Variants in FAM20C observed in about 807,000 individuals in gnomAD.
FAM20C encodes FAM20C golgi associated secretory pathway kinase.
Under a neutral mutation model 51.5 loss-of-function variants are expected in FAM20C, and 40 were observed. The observed-to-expected ratio is 0.78, with a 90% CI of 0.60 to 1.01. The LOEUF (loss-of-function observed/expected upper bound fraction) is 1.01. Among genes scored for constraint, FAM20C ranks in the 50% least tolerant of loss-of-function variants. The pLI, the probability that FAM20C is intolerant of heterozygous loss-of-function variation, is 0.00. For missense variants in FAM20C, 861 were observed against 844.7 expected, an observed-to-expected ratio of 1.02 and a Z score of -0.24; for synonymous variants, 406 against 380.6, an observed-to-expected ratio of 1.07 and a Z score of -0.78.
At chr7:223,654 G>A (rs1427127285) in intron 3 of FAM20C, among the ~76,000 whole-genome samples, 1 of 152,204 alleles carries the variant, frequency 6.6e-6, no homozygotes, top group Non-Finnish European at 1.5e-5. Flanking sequence ...CCTGGTGCCT[G>A]CAGAGGGGTC....
intron 3 of FAM20C, among the ~76,000 whole-genome samples, chr7:241,616 G>A (rs1256049747): frequency 6.6e-6 from 1 of 151,866 alleles, no homozygotes; most frequent in African/African-American, 2.4e-5. Flanking sequence ...CCATGCACAC[G>A]TGTGCATCTG....
intron 3 of FAM20C, among the ~76,000 whole-genome samples, chr7:241,054 G>C (rs1428992950): frequency 1.4e-5 from 2 of 147,874 alleles, no homozygotes; most frequent in African/African-American, 5.1e-5. Flanking sequence ...AAGTGGGGCC[G>C]GGGCTTACGG....
chr7:229,239 GC>G (rs1205841973), intron 3 of FAM20C: 1 of 240,794 alleles, frequency 4.2e-6, no homozygotes, highest in Non-Finnish European at 8.3e-6. Context: ...CAATGAGGCA[GC>G]CCCCTTTTCT....
At chr7:212,048 G>C (rs182861466) in intron 3 of FAM20C, among the ~76,000 whole-genome samples, 65 of 152,340 alleles carry the variant, frequency 4.3e-4, no homozygotes, top group African/African-American at 1.1e-3. Context: ...GATGACCTAT[G>C]GGGGCTGTGC....
chr7:249,407 A>C (rs978093319), intron 5 of FAM20C, among the ~76,000 whole-genome samples: 1 of 152,244 alleles, frequency 6.6e-6, no homozygotes, highest in African/African-American at 2.4e-5. Flanking sequence ...ACACATAAAC[A>C]CATGATTTTC....
At chr7:259,328 G>A (rs977996982) in intron 9 of FAM20C, among the ~76,000 whole-genome samples, 1 of 152,212 alleles carries the variant, frequency 6.6e-6, no homozygotes, top group African/African-American at 2.4e-5. Flanking sequence ...CTCATCCCTT[G>A]TGCAGGTGAG....
At chr7:245,613 C>T (rs140565333) in intron 3 of FAM20C, among the ~76,000 whole-genome samples, 6,388 of 152,314 alleles carry the variant, frequency 0.042, 177 homozygotes, top group African/African-American at 0.072. Context: ...TACACGCTTA[C>T]GCGCTTACAC....
rs1430301262 is a variant in FAM20C, at chr7:195,587, C to G, written c.639C>G (p.Leu213=). The G allele has an allele frequency of 1.3e-6, 2 of 1,596,214 alleles. No homozygotes were observed. The highest frequency in any genetic ancestry group is 1.7e-6 in the Non-Finnish European group (2 of 1,170,474). ...CGGGTGCTGAAGGTGCAGAATTCCTCTCCCCCGGGGAGGCGGCCGTGGACT... is the reference window on the plus strand; with the variant it reads ...CGGGTGCTGAAGGTGCAGAATTCCTGTCCCCCGGGGAGGCGGCCGTGGACT... ...PHAGAEGAEF[L]SPGEAAVDSY... is the part of the protein sequence containing the mutation. The change falls in exon 2 of 10, where the codon CTC becomes CTG. Residue 213 remains leucine, a synonymous_variant. Coordinates refer to ENST00000313766, the MANE Select transcript of FAM20C (RefSeq NM_020223.4).
At chr7:248,236 G>C (rs930871751) in intron 4 of FAM20C, 79 bp from the exon 5 acceptor site, 1 of 1,027,436 alleles carries the variant, frequency 9.7e-7, no homozygotes, top group Non-Finnish European at 1.4e-6. Context: ...CCCCTGCCCC[G>C]TTCTTATTTG....
At chr7:245,674 C>G (rs1315180871) in intron 3 of FAM20C, among the ~76,000 whole-genome samples, 1 of 152,236 alleles carries the variant, frequency 6.6e-6, no homozygotes, top group Non-Finnish European at 1.5e-5. Flanking sequence ...CCACCATGAC[C>G]ACATCGGTCA....
intron 3 of FAM20C, among the ~76,000 whole-genome samples, chr7:241,705 C>T (rs1007234890): frequency 0.016 from 2,377 of 152,168 alleles, 64 homozygotes; most frequent in African/African-American, 0.054. Flanking sequence ...TGTGTGCACA[C>T]GTGTTAATGT....
At chr7:214,033 T>A (rs181369381) in intron 3 of FAM20C, among the ~76,000 whole-genome samples, 1 of 152,318 alleles carries the variant, frequency 6.6e-6, no homozygotes, top group East Asian at 1.9e-4. Context: ...TACTAAGTTT[T>A]AAGACGTCTT....
chr7:202,024 G>A (rs527918724), intron 2 of FAM20C, among the ~76,000 whole-genome samples: 2 of 152,358 alleles, frequency 1.3e-5, no homozygotes, highest in East Asian at 1.9e-4. Context: ...ATATCCGGGC[G>A]ATAGGATTCT....
rs373402934 is a variant in FAM20C at position 244,383 on chromosome 7, A to G, written c.864-2032A>G. On this transcript the variant is annotated intron_variant, in intron 3 of 9. Coordinates refer to ENST00000313766, the MANE Select transcript of FAM20C (RefSeq NM_020223.4). The stretch of plus-strand genomic sequence containing the variant: ...ACCTCAAAAATATCCAACACTCCAG[A>G]ATTTACCACCCCTGGAACTGCGGGC... Among the ~76,000 whole-genome samples the G allele has an allele frequency of 5.3e-5, 8 of 152,302 alleles. No individual in the cohort carries two copies. The East Asian group carries it at 9.6e-4, about 18-fold the overall frequency.
At chr7:216,713 G>T (rs561139832) in intron 3 of FAM20C, among the ~76,000 whole-genome samples, 8 of 151,452 alleles carry the variant, frequency 5.3e-5, no homozygotes, top group Middle Eastern at 6.8e-3. Context: ...CAGAGTGTGT[G>T]TGTGTGTGTG....
At chr7:246,567 G>A (rs985459385) in intron 4 of FAM20C, 60 bp downstream of exon 4, 7 of 1,117,508 alleles carry the variant, frequency 6.3e-6, no homozygotes, top group Non-Finnish European at 7.1e-6. Context: ...ACCGGTGAGT[G>A]AGGCCGTCCT....
chr7:217,894 G>A (rs992430679), intron 3 of FAM20C, among the ~76,000 whole-genome samples: 4 of 152,116 alleles, frequency 2.6e-5, no homozygotes, highest in African/African-American at 9.7e-5. Flanking sequence ...GGTGCACGTT[G>A]GCTGGGAGAG....
intron 3 of FAM20C, among the ~76,000 whole-genome samples, chr7:243,857 T>C (rs1030700711): frequency 6.6e-6 from 1 of 151,784 alleles, no homozygotes; most frequent in Non-Finnish European, 1.5e-5. Context: ...AGGCCTTTGC[T>C]CCAGGGGCCT....
At chr7:241,556 TTGTGTGTGTG>T (rs1221493976) in intron 3 of FAM20C, among the ~76,000 whole-genome samples, 2 of 149,050 alleles carry the variant, frequency 1.3e-5, no homozygotes, top group South Asian at 2.1e-4. Context: ...TCTGTGGGGG[TTGTGTGTGTG>T]TGTGTGTGTG....
Sources: gnomAD v4.1 joint callset for allele counts (sites outside exome capture counted in the v4.1 genomes callset) on GRCh38, gnomAD v4.1.1 for gene constraint, MANE v1.5 for transcripts, NCBI Gene and HGNC (gene_info 2026-07-23, HGNC 2026-07-21) for gene names.